Variants in GCLM observed in about 807,000 individuals in gnomAD.
GCLM encodes the protein glutamate--cysteine ligase regulatory subunit.
GCLM carries 15 observed loss-of-function variants against 36.0 expected under a neutral mutation model. The ratio of observed to expected loss-of-function variants is 0.42; its 90% CI spans 0.28 to 0.64. The LOEUF is 0.64. Among genes scored for constraint, GCLM ranks in the 30% least tolerant of loss-of-function variants. The pLI is 0.25. For synonymous variants in GCLM, 129 were observed against 122.8 expected (o/e 1.05, Z -0.34); for missense variants, 242 against 325.5 (o/e 0.74, Z 1.97).
chr1:93,901,815 A>T, intron 2 of GCLM, 146 bp from the exon 3 acceptor site: 1 of 558,594 alleles, frequency 1.8e-6, no homozygotes. Context: ...TGGGCTTCAC[A>T]AGGGTTGTAA....
chr1:93,895,587 T>G (rs1369797757), intron 5 of GCLM, among the ~76,000 whole-genome samples: 1 of 152,136 alleles, frequency 6.6e-6, no homozygotes, highest in African/African-American at 2.4e-5. Context: ...CATCTAAGTC[T>G]CTCCAATACT....
chr1:93,899,101 T>G (rs1433066677), intron 3 of GCLM, among the ~76,000 whole-genome samples: 1 of 152,002 alleles, frequency 6.6e-6, no homozygotes. Flanking sequence ...CATACTTTTT[T>G]TTTTTGAGAC....
intron 6 of GCLM, among the ~76,000 whole-genome samples, chr1:93,892,149 A>C (rs1310918884): frequency 6.6e-6 from 1 of 152,188 alleles, no homozygotes; most frequent in Non-Finnish European, 1.5e-5. Flanking sequence ...ATAAAAATGG[A>C]AAGTTCTAAA....
At chr1:93,896,347 A>C (rs535381519) in intron 5 of GCLM, among the ~76,000 whole-genome samples, 18 of 152,204 alleles carry the variant, frequency 1.2e-4, no homozygotes, top group Non-Finnish European at 2.2e-4. Context: ...TAAATGTTTT[A>C]ACACACATCT....
In GCLM at chr1:93,886,485, A is replaced by G. The variant is rs1304982290; in HGVS notation, c.*2505T>C. 1 of 152,204 alleles carries G rather than the reference A, an allele frequency of 6.6e-6. No homozygotes were observed. The highest frequency in any genetic ancestry group is 1.5e-5 in the Non-Finnish European group (1 of 68,022). The allele number at this position is 152,204 out of a possible 1,614,324, so 9.4% of individuals were successfully genotyped here. A position where few individuals can be genotyped will look rare whatever the true frequency, so the allele number is the denominator to read the frequency against. ...CTGGAAAACATATATAAAGCCTTAAAAATCAGTGTTTTAAAAGAGTATTCA... is the reference window on the plus strand; with the variant it reads ...CTGGAAAACATATATAAAGCCTTAAGAATCAGTGTTTTAAAAGAGTATTCA... On this transcript the variant is annotated 3_prime_UTR_variant, in exon 7 of 7. Transcript: ENST00000370238.
intron 6 of GCLM, among the ~76,000 whole-genome samples, chr1:93,892,682 C>T (rs17880908): frequency 7.2e-5 from 11 of 152,166 alleles, no homozygotes; most frequent in African/African-American, 2.4e-4. Context: ...TCCTCATATA[C>T]ATATGCAATA....
At chr1:93,906,506 CTATTTTTATAG>C (rs1657152350) in intron 1 of GCLM, among the ~76,000 whole-genome samples, 1 of 152,088 alleles carries the variant, frequency 6.6e-6, no homozygotes, top group Non-Finnish European at 1.5e-5. Context: ...GAAGGTAAGT[CTATTTTTATAG>C]TATTCACCCT....
At chr1:93,904,685 A>G in intron 1 of GCLM, 97 bp from the exon 2 acceptor site, 1 of 794,908 alleles carries the variant, frequency 1.3e-6, no homozygotes, top group Non-Finnish European at 2.1e-6. Context: ...GCAGGAAAAA[A>G]AAGATAGCAA....
Position 93,890,728 on chromosome 1 carries a change from G to T in GCLM, c.656-1569C>A, listed in dbSNP as rs1427802153. Among the ~76,000 whole-genome samples, 15 of 152,280 alleles carry T rather than the reference G, an allele frequency of 9.9e-5. No homozygotes were observed. In the East Asian group the frequency reaches 2.7e-3, roughly 27 times the overall value. On this transcript the variant is annotated intron_variant, in intron 6 of 6. Coordinates refer to ENST00000370238, the MANE Select transcript of GCLM (RefSeq NM_002061.4). The stretch of plus-strand genomic sequence containing the variant: ...ATGAACATTTTAAAATGCATGCCTG[G>T]CTGTGGAATGAAGGGCCAAAGTACA...
chr1:93,904,624 A>C, intron 1 of GCLM, 36 bp from the exon 2 acceptor site: 2 of 1,307,594 alleles, frequency 1.5e-6, no homozygotes, highest in Non-Finnish European at 2.2e-6. Flanking sequence ...TGTTAATCAA[A>C]GTCTATATAC....
intron 6 of GCLM, among the ~76,000 whole-genome samples, chr1:93,893,862 A>T (rs1215431761): frequency 4.6e-5 from 7 of 152,240 alleles, no homozygotes; most frequent in African/African-American, 1.7e-4. Context: ...GATTAACACT[A>T]AACGTCTTAA....
chr1:93,903,762 T>C (rs1657046850), intron 2 of GCLM, among the ~76,000 whole-genome samples: 1 of 152,216 alleles, frequency 6.6e-6, no homozygotes, highest in African/African-American at 2.4e-5. Context: ...CATATTAACT[T>C]ACATTTACAA....
chr1:93,892,130 G>A (rs17879487), intron 6 of GCLM, among the ~76,000 whole-genome samples: 438 of 152,064 alleles, frequency 2.9e-3, no homozygotes, highest in African/African-American at 0.01. Flanking sequence ...AATGGGGGGC[G>A]GGGAACAAAT....
intron 4 of GCLM, 41 bp from the exon 5 acceptor site, chr1:93,896,861 C>G: frequency 9.2e-7 from 1 of 1,090,954 alleles, no homozygotes; most frequent in South Asian, 1.3e-5. Context: ...ATGCTTACAT[C>G]ATAAAAACAA....
intron 1 of GCLM, 79 bp downstream of exon 1, chr1:93,908,959 C>T (rs1657252860): frequency 8.5e-7 from 1 of 1,178,644 alleles, no homozygotes; most frequent in East Asian, 3.4e-5. Context: ...CGCCCGCGGG[C>T]GCTTCTCCCT....
intron 5 of GCLM, 25 bp downstream of exon 5, chr1:93,896,593 T>C (rs770263513): frequency 3.8e-6 from 6 of 1,580,292 alleles, no homozygotes; most frequent in East Asian, 2.2e-5. Flanking sequence ...CTTCCTGGAG[T>C]GCTCATGATC....
chr1:93,906,381 A>G (rs1657147419), intron 1 of GCLM, among the ~76,000 whole-genome samples: 2 of 152,238 alleles, frequency 1.3e-5, no homozygotes, highest in Non-Finnish European at 1.5e-5. Flanking sequence ...CTAGAGGTTA[A>G]AAATTCTATC....
intron 6 of GCLM, among the ~76,000 whole-genome samples, chr1:93,891,248 TCCTCACTG>T (rs1656524969): frequency 1.3e-5 from 2 of 151,978 alleles, no homozygotes; most frequent in Non-Finnish European, 2.9e-5. Flanking sequence ...ACCACTCCTC[TCCTCACTG>T]CCTCACTCCT....
chr1:93,901,561 TAAACAGA>T lies in GCLM; in HGVS notation c.277+17_277+23del, dbSNP rs1557731042. 1 of 1,246,414 alleles carries T rather than the reference TAAACAGA, an allele frequency of 8.0e-7. No homozygotes were observed. The highest frequency in any genetic ancestry group is 1.5e-5 in the African/African-American group (1 of 67,344). 77.2% of individuals were successfully genotyped at this position (1,246,414 alleles called of 1,614,324 possible). On this transcript the variant is annotated intron_variant, in intron 3 of 6. Transcript: ENST00000370238. ...CTATCGCTTCCGCTATGTAACAAAA[TAAACAGA>T]AAAGACTGGACTTTACCAGAAACTT...
Sources: gnomAD v4.1 joint callset for allele counts (sites outside exome capture counted in the v4.1 genomes callset) on GRCh38, gnomAD v4.1.1 for gene constraint, MANE v1.5 for transcripts, NCBI Gene and HGNC (gene_info 2026-07-23, HGNC 2026-07-21) for gene names.